The following LARGE1 variants were observed in gnomAD, a reference collection of about 807,000 sequenced individuals.
The protein encoded by LARGE1 is LARGE xylosyl- and glucuronyltransferase 1.
Under a neutral mutation model 87.6 loss-of-function variants are expected in LARGE1, and 43 were observed. That is an observed-to-expected ratio of 0.49 (90% CI 0.38 to 0.63). LARGE1 has a LOEUF of 0.63. Among genes scored for constraint, LARGE1 ranks in the 30% least tolerant of loss-of-function variants. LARGE1 has a pLI of 0.00. For synonymous variants in LARGE1, 434 were observed against 394.6 expected, an observed-to-expected ratio of 1.10 and a Z score of -1.18; for missense variants, 802 against 1,000.2, an observed-to-expected ratio of 0.80 and a Z score of 2.67.
chr22:33,435,587 G>C lies in LARGE1; in HGVS notation c.788-3322C>G, dbSNP rs369865346. Among the ~76,000 whole-genome samples, 31 of 152,122 alleles carry C rather than the reference G, an allele frequency of 2.0e-4. No homozygotes were observed. The East Asian group carries it at 4.1e-3, about 20-fold the overall frequency. On this transcript the variant is annotated intron_variant, in intron 6 of 14. Coordinates refer to ENST00000397394, the MANE Select transcript of LARGE1 (RefSeq NM_133642.5). ...ATTAACAGACCTTCCACCCAGCTCT[G>C]GGAACTCAGGCACCCGCTCCCCTGT...
intron 11 of LARGE1, among the ~76,000 whole-genome samples, chr22:33,181,573 G>A (rs1923163736): frequency 6.7e-6 from 1 of 149,838 alleles, no homozygotes; most frequent in Admixed American, 6.7e-5. Context: ...TCTGTCACCA[G>A]GCTGGAGTGC....
chr22:33,227,271 G>A (rs1925789235), intron 11 of LARGE1, among the ~76,000 whole-genome samples: 1 of 152,190 alleles, frequency 6.6e-6, no homozygotes, highest in Non-Finnish European at 1.5e-5. Context: ...ATTTGGCTCT[G>A]TAGTTAGTGC....
intron 1 of LARGE1, among the ~76,000 whole-genome samples, chr22:33,826,635 C>T (rs568122318): frequency 5.9e-5 from 9 of 152,268 alleles, no homozygotes; most frequent in East Asian, 5.8e-4. Flanking sequence ...GCCATCAACC[C>T]GGCCTTGCCT....
intron 12 of LARGE1, among the ~76,000 whole-genome samples, chr22:33,298,599 C>G (rs1365729314): frequency 6.6e-6 from 1 of 152,056 alleles, no homozygotes; most frequent in Non-Finnish European, 1.5e-5. Context: ...GAGGCAGGAG[C>G]ACTGCTTGAG....
chr22:33,529,159 G>T (rs1345402507), intron 6 of LARGE1, among the ~76,000 whole-genome samples: 1 of 152,134 alleles, frequency 6.6e-6, no homozygotes, highest in Non-Finnish European at 1.5e-5. Flanking sequence ...ATTGGGAAGG[G>T]ACTTTAAAGC....
intron 11 of LARGE1, among the ~76,000 whole-genome samples, chr22:33,312,584 T>A (rs959318501): frequency 3.3e-5 from 5 of 152,188 alleles, no homozygotes; most frequent in Non-Finnish European, 7.3e-5. Context: ...TATATCAGAT[T>A]TCTTTGGTAG....
chr22:33,640,060 C>T (rs2080382062), intron 3 of LARGE1, among the ~76,000 whole-genome samples: 1 of 152,242 alleles, frequency 6.6e-6, no homozygotes, highest in African/African-American at 2.4e-5. Flanking sequence ...ATGGTGGCAG[C>T]ATCTCTGGTT....
intron 2 of LARGE1, among the ~76,000 whole-genome samples, chr22:33,663,984 CTCT>C (rs1306251159): frequency 1.3e-5 from 2 of 152,210 alleles, no homozygotes; most frequent in African/African-American, 4.8e-5. Context: ...TTGGCTCCTT[CTCT>C]TCTTTCACCA....
At chr22:33,502,988 C>A (rs1260241655) in intron 6 of LARGE1, among the ~76,000 whole-genome samples, 1 of 152,122 alleles carries the variant, frequency 6.6e-6, no homozygotes, top group Non-Finnish European at 1.5e-5. Context: ...GAAAGAATAG[C>A]TGAAAAACCC....
chr22:33,375,085 A>C (rs1204992093), intron 9 of LARGE1, among the ~76,000 whole-genome samples: 1 of 152,172 alleles, frequency 6.6e-6, no homozygotes, highest in Non-Finnish European at 1.5e-5. Context: ...ACTACTAATC[A>C]AGCTCAAGCA....
intron 7 of LARGE1, among the ~76,000 whole-genome samples, chr22:33,394,430 C>A (rs975260551): frequency 6.6e-6 from 1 of 152,142 alleles, no homozygotes; most frequent in African/African-American, 2.4e-5. Flanking sequence ...GAACTCCTGA[C>A]CTCGTAATCC....
chr22:33,316,907 C>T (rs1241820042), intron 10 of LARGE1, among the ~76,000 whole-genome samples: 2 of 152,030 alleles, frequency 1.3e-5, no homozygotes, highest in Admixed American at 6.6e-5. Flanking sequence ...CTCAGCATAA[C>T]AATTTCAAAT....
chr22:33,628,560 C>T (rs942380556), intron 3 of LARGE1, among the ~76,000 whole-genome samples: 4 of 152,158 alleles, frequency 2.6e-5, no homozygotes, highest in African/African-American at 2.4e-5. Context: ...AAGTGATCCA[C>T]TCACCTTGAC....
chr22:33,104,899 C>CTTTCTTTCTT, the LARGE1 span, among the ~76,000 whole-genome samples: 23 of 44,914 alleles, frequency 5.1e-4, no homozygotes, highest in Non-Finnish European at 8.8e-4. Context: ...CTCTTTCTTT[C>CTTTCTTTCTT]TTTCTTTCTT....
intron 6 of LARGE1, among the ~76,000 whole-genome samples, chr22:33,484,967 A>T (rs1413800350): frequency 6.8e-6 from 1 of 146,220 alleles, no homozygotes; most frequent in African/African-American, 2.6e-5. Flanking sequence ...GCTGGAATGC[A>T]GTGGCACGAT....
intron 6 of LARGE1, among the ~76,000 whole-genome samples, chr22:33,513,722 G>A (rs1340672284): frequency 1.3e-5 from 2 of 151,914 alleles, no homozygotes; most frequent in African/African-American, 4.8e-5. Flanking sequence ...GCTCCCACAT[G>A]TGAAAAAGCA....
At chr22:33,747,044 T>C (rs535614701) in intron 2 of LARGE1, among the ~76,000 whole-genome samples, 85 of 152,268 alleles carry the variant, frequency 5.6e-4, no homozygotes, top group Non-Finnish European at 9.8e-4. Context: ...TGGAAGTCTA[T>C]ATATTAAACA....
chr22:33,841,947 C>T (rs1422561236), intron 1 of LARGE1, among the ~76,000 whole-genome samples: 1 of 152,174 alleles, frequency 6.6e-6, no homozygotes, highest in Non-Finnish European at 1.5e-5. Flanking sequence ...GGGTGAATCA[C>T]AAAAAGTCCT....
At chr22:33,626,169 T>A in intron 4 of LARGE1, 75 bp downstream of exon 4, 1 of 1,363,448 alleles carries the variant, frequency 7.3e-7, no homozygotes, top group South Asian at 1.2e-5. Flanking sequence ...TTGCTCCTAT[T>A]TAACCCTTCC....
Sources: allele counts gnomAD v4.1 joint callset (sites outside exome capture counted in the v4.1 genomes callset), GRCh38; gene constraint gnomAD v4.1.1; transcripts MANE v1.5; gene names NCBI Gene and HGNC (gene_info 2026-07-23, HGNC 2026-07-21).